AKAP12: variants seen among roughly 807,000 people sequenced by gnomAD.
AKAP12 encodes A-kinase anchoring protein 12, also known as A-kinase anchor protein 12.
A neutral mutation model predicts 79.9 loss-of-function variants in AKAP12; 32 were observed. The observed-to-expected ratio is 0.40, with a 90% CI of 0.30 to 0.54. The LOEUF is 0.54. AKAP12 is among the 20% of genes least tolerant of loss of function. The probability of loss-of-function intolerance (pLI) is 0.48; values close to 1 mark genes in which losing one functional copy is unlikely to be tolerated. For synonymous variants in AKAP12, 808 were observed against 857.0 expected (o/e 0.94, Z 1.00); for missense variants, 2,074 against 2,177.0 (o/e 0.95, Z 0.94).
intron 2 of AKAP12, among the ~76,000 whole-genome samples, chr6:151,272,720 G>T (rs1214334621): frequency 6.6e-6 from 1 of 152,108 alleles, no homozygotes. Flanking sequence ...ATTTTTAGTA[G>T]AGACAGGGTT....
chr6:151,304,518 A>AAAAAAAAAAT (rs1776934230), intron 2 of AKAP12, among the ~76,000 whole-genome samples: 1 of 140,298 alleles, frequency 7.1e-6, no homozygotes, highest in African/African-American at 2.7e-5. Flanking sequence ...AAAAAAAAAA[A>AAAAAAAAAAT]AGGATTATAT....
chr6:151,318,106 T>C lies in AKAP12; in HGVS notation c.319+12203T>C, dbSNP rs183177711. Among the ~76,000 whole-genome samples, 49 of 152,194 alleles carry C rather than the reference T, an allele frequency of 3.2e-4. No individual in the cohort carries two copies. In the South Asian group the frequency reaches 3.7e-3, roughly 12 times the overall value. ...GTGGTATTTGGAGGGAAAGCCTTTG[T>C]GAGGTACTTAGGTCATGAGGGTGGA... On this transcript the variant is annotated intron_variant, in intron 3 of 4. Transcript: ENST00000402676.
chr6:151,331,330 A>G (rs1311805577), intron 3 of AKAP12, among the ~76,000 whole-genome samples: 1 of 152,150 alleles, frequency 6.6e-6, no homozygotes, highest in East Asian at 1.9e-4. Flanking sequence ...TAAGTGTTAT[A>G]ATTTTTTTTA....
At chr6:151,318,050 G>A (rs1260530606) in intron 3 of AKAP12, among the ~76,000 whole-genome samples, 1 of 152,194 alleles carries the variant, frequency 6.6e-6, no homozygotes, top group African/African-American at 2.4e-5. Flanking sequence ...CCCCCTAAAC[G>A]TACATGTCGA....
intron 2 of AKAP12, among the ~76,000 whole-genome samples, chr6:151,241,705 A>G (rs1028058051): frequency 1.3e-4 from 19 of 151,934 alleles, no homozygotes; most frequent in African/African-American, 4.6e-4. Context: ...TCACAAAGGT[A>G]CCCTTGTGAT....
At chr6:151,341,422 G>T (rs895259261) in intron 3 of AKAP12, among the ~76,000 whole-genome samples, 1 of 152,194 alleles carries the variant, frequency 6.6e-6, no homozygotes, top group African/African-American at 2.4e-5. Flanking sequence ...TGGTTAGCAG[G>T]ATGGTTTTCG....
chr6:151,256,077 G>A (rs575306702), intron 2 of AKAP12, among the ~76,000 whole-genome samples: 1 of 152,174 alleles, frequency 6.6e-6, no homozygotes, highest in African/African-American at 2.4e-5. Flanking sequence ...CAGGAAAGGT[G>A]GCATAGAGAA....
chr6:151,339,507 C>T (rs1434745005), intron 3 of AKAP12, among the ~76,000 whole-genome samples: 1 of 151,914 alleles, frequency 6.6e-6, no homozygotes, highest in Non-Finnish European at 1.5e-5. Context: ...CCAACGTCTG[C>T]ATAGCCTCCC....
chr6:151,250,686 A>G (rs1327874902), intron 2 of AKAP12, among the ~76,000 whole-genome samples: 2 of 150,156 alleles, frequency 1.3e-5, no homozygotes, highest in Non-Finnish European at 3.0e-5. Context: ...GCTCACTGCA[A>G]ACTCCGCCTC....
chr6:151,342,022 C>T (rs995712937), intron 3 of AKAP12, among the ~76,000 whole-genome samples: 1 of 152,240 alleles, frequency 6.6e-6, no homozygotes, highest in Non-Finnish European at 1.5e-5. Context: ...AGCCTACCTC[C>T]CCGAAGACTC....
At chr6:151,342,917 C>G (rs1293206729) in intron 3 of AKAP12, among the ~76,000 whole-genome samples, 5 of 152,258 alleles carry the variant, frequency 3.3e-5, no homozygotes, top group East Asian at 3.9e-4. Context: ...CATGCGCCAC[C>G]ATGCACGACT....
Position 151,349,310 on chromosome 6 carries a change from T to A in AKAP12, c.919T>A (p.Trp307Arg). The A allele has an allele frequency of 6.2e-7, 1 of 1,613,794 alleles. No homozygotes were observed. Among genetic ancestry groups the A allele is most frequent in the Non-Finnish European group, 8.5e-7 (1 of 1,179,948 alleles). ...KKFFTQGWAGWRKKTSFRKPK... is the reference protein window; with the variant it reads ...KKFFTQGWAGRRKKTSFRKPK... ...ATTCTTCACTCAAGGTTGGGCCGGC[T>A]GGCGCAAAAAGACCAGTTTCAGGAA... The change falls in exon 4 of 5, where the codon TGG becomes AGG. Residue 307 changes from tryptophan (W) to arginine (R), a missense_variant. Physicochemically the swap from Trp to Arg is moderately radical, Grantham distance 101. Transcript: ENST00000402676.
chr6:151,314,505 T>G (rs759206219), intron 3 of AKAP12, among the ~76,000 whole-genome samples: 5 of 152,188 alleles, frequency 3.3e-5, no homozygotes, highest in Admixed American at 6.5e-5. Context: ...TCCCCCCATA[T>G]GTGTTCTGCT....
chr6:151,353,282 T>C lies in AKAP12; in HGVS notation c.4891T>C (p.Ser1631Pro). Reference sequence around the variant, plus strand: ...AGTGGGACAAGCACATTCTGATATTTCCAAAGACATGAGTGAAGCCTCAGA... The same window carrying C: ...AGTGGGACAAGCACATTCTGATATTCCCAAAGACATGAGTGAAGCCTCAGA... ...TAVGQAHSDI[S>P]KDMSEASEKT... Residue 1631 changes from serine (S) to proline (P), a missense_variant, in exon 4 of 5, where the codon TCC (serine) becomes CCC (proline). By Grantham distance (74) the Ser-to-Pro change is moderately conservative (BLOSUM62 -1). Around this residue, in one of 3 missense-constraint regions of AKAP12, gnomAD observed 614 missense variants for 665.6 expected, o/e 0.92. Transcript: ENST00000402676. 6.2e-7 allele frequency: 1 copy of C among 1,614,134 alleles called. No homozygotes were observed. Among genetic ancestry groups the C allele is most frequent in the East Asian group, 2.2e-5 (1 of 44,890 alleles).
intron 2 of AKAP12, among the ~76,000 whole-genome samples, chr6:151,295,488 T>C (rs932497736): frequency 7.9e-5 from 12 of 152,168 alleles, no homozygotes; most frequent in African/African-American, 2.7e-4. Context: ...TTTATACCCC[T>C]CACCAAGCAG....
At position 151,349,474 on chromosome 6, in the gene AKAP12, G is replaced by A. The variant is rs1283030412; in HGVS notation, c.1083G>A (p.Pro361=). 3.7e-6 allele frequency: 6 copies of A among 1,606,254 alleles called. No homozygotes were observed. The highest frequency in any genetic ancestry group is 3.5e-5 in the Admixed American group (2 of 57,182). The change falls in exon 4 of 5, where the codon CCG becomes CCA. Residue 361 remains proline (P), a synonymous_variant. Transcript: ENST00000402676. ...CCGAGCAAGCCCACCCACAGGAGCC[G>A]GCAGAAAGTGCCCACGAGCCCCGGT... is the stretch of plus-strand genomic sequence containing the variant. The part of the protein sequence containing the change: ...TASEQAHPQE[P]AESAHEPRLS...
rs55685824 is a variant in AKAP12 at position 151,312,793 on chromosome 6, C to CAAAAAA, written c.319+6903_319+6908dup. Among the ~76,000 whole-genome samples the CAAAAAA allele has an allele frequency of 8.1e-3, 583 of 72,280 alleles. 11 individuals are homozygous for CAAAAAA. Among genetic ancestry groups the CAAAAAA allele is most frequent in the Middle Eastern group, 0.02 (2 of 100 alleles). 47.4% of individuals were successfully genotyped at this position (72,280 alleles called of 152,430 possible). The stretch of plus-strand genomic sequence containing the variant: ...GGCTACAAGAGGGAGACTCTGTCTC[C>CAAAAAA]AAAAAAAAAAAAAAAAAAGAATCAT... On this transcript the variant is annotated intron_variant, in intron 3 of 4. Transcript: ENST00000402676.
intron 3 of AKAP12, among the ~76,000 whole-genome samples, chr6:151,318,932 T>C (rs1156973173): frequency 1.3e-5 from 2 of 152,172 alleles, no homozygotes; most frequent in Non-Finnish European, 2.9e-5. Flanking sequence ...AGTGAGACCC[T>C]GTCTCTAAGA....
intron 2 of AKAP12, among the ~76,000 whole-genome samples, chr6:151,255,835 T>C (rs1469987657): frequency 6.6e-6 from 1 of 151,982 alleles, no homozygotes; most frequent in Admixed American, 6.6e-5. Flanking sequence ...TAATGGACAA[T>C]TGATGTGTAA....
Sources: gnomAD v4.1 joint callset for allele counts (sites outside exome capture counted in the v4.1 genomes callset) on GRCh38, gnomAD v4.1.1 for gene constraint, gnomAD v4.1.1 regional missense constraint, MANE v1.5 for transcripts, NCBI Gene and HGNC (gene_info 2026-07-23, HGNC 2026-07-21) for gene names.